FILIP1: variants seen among roughly 807,000 people sequenced by gnomAD.
The protein encoded by FILIP1 is filamin A interacting protein 1, also known as filamin-A-interacting protein 1.
Under a neutral mutation model 102.1 loss-of-function variants are expected in FILIP1, and 61 were observed. The observed-to-expected ratio is 0.60, with a 90% CI of 0.49 to 0.74. FILIP1 has a LOEUF of 0.74. FILIP1 is among the 30% of genes least tolerant of loss of function. FILIP1 has a pLI of 0.00. For synonymous variants in FILIP1, 491 were observed against 526.9 expected, an observed-to-expected ratio of 0.93 and a Z score of 0.93; for missense variants, 1,314 against 1,441.2, an observed-to-expected ratio of 0.91 and a Z score of 1.43.
chr6:75,343,760 G>A (rs1277048069), intron 4 of FILIP1, among the ~76,000 whole-genome samples: 3 of 152,104 alleles, frequency 2.0e-5, no homozygotes, highest in Non-Finnish European at 4.4e-5. Context: ...GAAAATACTA[G>A]GTTAAAAGAT....
intron 1 of FILIP1, among the ~76,000 whole-genome samples, chr6:75,431,449 T>G (rs951293926): frequency 3.3e-5 from 5 of 152,116 alleles, no homozygotes; most frequent in Admixed American, 2.6e-4. Flanking sequence ...AGGGAGGGTG[T>G]CCTTTACCCT....
intron 2 of FILIP1, among the ~76,000 whole-genome samples, chr6:75,408,034 A>G (rs1042212681): frequency 6.6e-6 from 1 of 152,206 alleles, no homozygotes; most frequent in African/African-American, 2.4e-5. Context: ...GGACTAATAC[A>G]AGGGGAAATT....
intron 1 of FILIP1, among the ~76,000 whole-genome samples, chr6:75,487,964 GA>G (rs553779060): frequency 9.6e-4 from 146 of 152,138 alleles, no homozygotes; most frequent in African/African-American, 3.4e-3. Flanking sequence ...AATAAAAACA[GA>G]AAAAACCTTA....
chr6:75,487,408 A>G (rs1169712920), intron 1 of FILIP1, among the ~76,000 whole-genome samples: 1 of 152,158 alleles, frequency 6.6e-6, no homozygotes, highest in African/African-American at 2.4e-5. Context: ...TTATTAACTC[A>G]GCAATGCCTC....
At chr6:75,372,683 A>AAGAG (rs1554204863) in intron 2 of FILIP1, among the ~76,000 whole-genome samples, 3 of 48,214 alleles carry the variant, frequency 6.2e-5, no homozygotes, top group Non-Finnish European at 1.1e-4. Flanking sequence ...GAAAGAAAGA[A>AAGAG]AGAGAAAGAA....
intron 1 of FILIP1, among the ~76,000 whole-genome samples, chr6:75,435,072 G>A (rs1238791524): frequency 6.6e-6 from 1 of 152,208 alleles, no homozygotes; most frequent in Non-Finnish European, 1.5e-5. Flanking sequence ...TTGCTGTGCT[G>A]CTAGATTCAG....
chr6:75,294,073 A>G (rs1400957131), exon 7 of FILIP1: 1 of 152,254 alleles, frequency 6.6e-6, no homozygotes, highest in Non-Finnish European at 1.5e-5. Flanking sequence ...AATAATTTTA[A>G]CATCATATAA....
At chr6:75,442,085 C>T (rs1242553423) in intron 1 of FILIP1, among the ~76,000 whole-genome samples, 2 of 151,960 alleles carry the variant, frequency 1.3e-5, no homozygotes, top group African/African-American at 4.8e-5. Flanking sequence ...GACGGGGCGG[C>T]CGGGCAGAGA....
intron 2 of FILIP1, among the ~76,000 whole-genome samples, chr6:75,408,934 C>T (rs1401722803): frequency 6.6e-6 from 1 of 152,084 alleles, no homozygotes; most frequent in Non-Finnish European, 1.5e-5. Context: ...CTCACATGGC[C>T]CTGTGGCATC....
intron 1 of FILIP1, among the ~76,000 whole-genome samples, chr6:75,435,224 G>T (rs1199870652): frequency 6.6e-6 from 1 of 151,110 alleles, no homozygotes; most frequent in Non-Finnish European, 1.5e-5. Context: ...AATTTTTAAT[G>T]TAGCCTTTTA....
intron 5 of FILIP1, among the ~76,000 whole-genome samples, chr6:75,310,268 C>T (rs570649489): frequency 6.6e-6 from 1 of 152,358 alleles, no homozygotes; most frequent in South Asian, 2.1e-4. Context: ...TCTGTGAAGC[C>T]TTCTCCATTG....
exon 7 of FILIP1, chr6:75,295,536 G>T (rs113501304): frequency 0.01 from 1,644 of 161,632 alleles, 14 homozygotes; most frequent in Non-Finnish European, 0.017. Context: ...GTACTTTGAA[G>T]AACTGACAGC....
intron 2 of FILIP1, among the ~76,000 whole-genome samples, chr6:75,405,920 G>A (rs773450899): frequency 3.3e-5 from 5 of 152,132 alleles, no homozygotes; most frequent in Non-Finnish European, 7.4e-5. Context: ...AGAAGGCAAA[G>A]AATTGAACAT....
downstream of FILIP1, among the ~76,000 whole-genome samples, chr6:75,306,136 T>C (rs978471963): frequency 4.6e-5 from 7 of 152,186 alleles, no homozygotes; most frequent in Admixed American, 1.3e-4. Context: ...GGCTCTAAAA[T>C]TACAAAGAAA....
chr6:75,432,094 T>G (rs1299510941), intron 1 of FILIP1, among the ~76,000 whole-genome samples: 1 of 152,204 alleles, frequency 6.6e-6, no homozygotes, highest in Non-Finnish European at 1.5e-5. Context: ...ATACACTGTT[T>G]CAGTTTTACC....
chr6:75,362,886 GTCT>G lies in FILIP1; in HGVS notation c.305_307del (p.Lys102del). The G allele has an allele frequency of 6.2e-7, 1 of 1,613,954 alleles. No homozygotes were observed. The highest frequency in any genetic ancestry group is 8.5e-7 in the Non-Finnish European group (1 of 1,180,014). ...CAGAACCTCAGGCTTGGTTTTCTCT[GTCT>G]TCAGCATGTGGATCACATCTTCTCT... On this transcript the variant is annotated inframe_deletion, in exon 3 of 6. Coordinates refer to ENST00000237172, the MANE Select transcript of FILIP1 (RefSeq NM_015687.5).
chr6:75,366,750 T>A (rs1775352361), intron 2 of FILIP1, among the ~76,000 whole-genome samples: 1 of 152,196 alleles, frequency 6.6e-6, no homozygotes, highest in East Asian at 1.9e-4. Flanking sequence ...TAAGATATAT[T>A]TTTCCCTAAC....
intron 3 of FILIP1, among the ~76,000 whole-genome samples, chr6:75,355,082 G>T (rs935187473): frequency 6.6e-6 from 1 of 152,124 alleles, no homozygotes; most frequent in South Asian, 2.1e-4. Context: ...ATTGCTTGAG[G>T]TTAGGAGTTC....
At chr6:75,393,345 T>C (rs1444280485) in intron 2 of FILIP1, among the ~76,000 whole-genome samples, 9 of 152,088 alleles carry the variant, frequency 5.9e-5, no homozygotes, top group Admixed American at 5.9e-4. Context: ...TCACCATAAA[T>C]AATGAAAAAA....
Sources: allele counts gnomAD v4.1 joint callset (sites outside exome capture counted in the v4.1 genomes callset), GRCh38; gene constraint gnomAD v4.1.1; transcripts MANE v1.5; gene names NCBI Gene and HGNC (gene_info 2026-07-23, HGNC 2026-07-21).